The following CAB39 variants were observed in gnomAD, a reference collection of about 807,000 sequenced individuals.
CAB39 encodes calcium binding protein 39.
CAB39 carries 8 observed loss-of-function variants against 40.0 expected under a neutral mutation model. The observed-to-expected ratio is 0.20, with a 90% CI of 0.12 to 0.36. The LOEUF (loss-of-function observed/expected upper bound fraction) is 0.36. CAB39 is among the 10% of genes least tolerant of loss of function. CAB39 has a pLI of 1.00. For missense variants in CAB39, 270 were observed against 401.1 expected, an observed-to-expected ratio of 0.67 and a Z score of 2.79; for synonymous variants, 156 against 141.6, an observed-to-expected ratio of 1.10 and a Z score of -0.72.
intron 1 of CAB39, among the ~76,000 whole-genome samples, chr2:230,736,150 T>C (rs1461177845): frequency 6.6e-6 from 1 of 152,204 alleles, no homozygotes; most frequent in African/African-American, 2.4e-5. Context: ...ATTTTCTCTG[T>C]TTGACTTAAT....
At chr2:230,754,506 C>T (rs1485454031) in intron 1 of CAB39, among the ~76,000 whole-genome samples, 3 of 150,204 alleles carry the variant, frequency 2.0e-5, no homozygotes, top group African/African-American at 7.4e-5. Flanking sequence ...TCCTCCTCCT[C>T]ATCCCTCCTT....
chr2:230,714,172 G>C (rs890164171), intron 1 of CAB39: 1 of 152,204 alleles, frequency 6.6e-6, no homozygotes, highest in Non-Finnish European at 1.5e-5. Flanking sequence ...GTATTTTGGG[G>C]CCAGATCCTT....
intron 2 of CAB39, among the ~76,000 whole-genome samples, chr2:230,771,838 G>A (rs1458669768): frequency 1.3e-5 from 2 of 152,198 alleles, no homozygotes; most frequent in Non-Finnish European, 2.9e-5. Flanking sequence ...AAATGCAGTT[G>A]TGCAGAAAGA....
At chr2:230,782,977 T>C (rs916703897) in intron 2 of CAB39, among the ~76,000 whole-genome samples, 2 of 147,790 alleles carry the variant, frequency 1.4e-5, no homozygotes, top group African/African-American at 5.3e-5. Flanking sequence ...CACGCCTGGC[T>C]AATTTTTTGT....
intron 7 of CAB39, among the ~76,000 whole-genome samples, 191 bp downstream of exon 7, chr2:230,814,305 A>G (rs1399990088): frequency 6.6e-6 from 1 of 152,120 alleles, no homozygotes; most frequent in Admixed American, 6.5e-5. Flanking sequence ...CCTGCTTCCT[A>G]GTAAGGTGGA....
At chr2:230,756,442 A>G (rs1380772652) in intron 1 of CAB39, among the ~76,000 whole-genome samples, 5 of 152,234 alleles carry the variant, frequency 3.3e-5, no homozygotes, top group Admixed American at 3.3e-4. Flanking sequence ...TCAGGCAGCT[A>G]CATGACTGTG....
intron 4 of CAB39, among the ~76,000 whole-genome samples, chr2:230,794,031 G>T (rs1272299619): frequency 6.6e-6 from 1 of 152,184 alleles, no homozygotes; most frequent in African/African-American, 2.4e-5. Context: ...AGAGTTGTGT[G>T]CCAGCCCCGG....
chr2:230,799,622 G>T (rs981154518), intron 5 of CAB39, among the ~76,000 whole-genome samples: 2 of 152,206 alleles, frequency 1.3e-5, no homozygotes, highest in East Asian at 3.8e-4. Context: ...TACAATGAGA[G>T]CAAGCGTTTG....
chr2:230,713,370 C>T (rs2459922), intron 1 of CAB39, 140 bp downstream of exon 1: 1,582 of 152,400 alleles, frequency 0.01, 24 homozygotes, highest in Admixed American at 0.017. Flanking sequence ...TCCCCGGAGC[C>T]CCCGGGAGCA....
intron 2 of CAB39, among the ~76,000 whole-genome samples, chr2:230,780,592 T>G (rs1695670060): frequency 6.6e-6 from 1 of 152,212 alleles, no homozygotes. Flanking sequence ...TCCCTTGATT[T>G]AGGTTTGCCT....
At position 230,750,119 on chromosome 2, in the gene CAB39, A is replaced by G. The variant is rs562902407; in HGVS notation, c.-43-9840A>G. ...AAAATAAATAATAGTTCATTCTACA[A>G]ATATTCTACAAATATGTGCCATCTA... On this transcript the variant is annotated intron_variant, in intron 1 of 8. Transcript: ENST00000258418. 1.2e-3 allele frequency among the ~76,000 whole-genome samples: 184 copies of G among 152,358 alleles called. 1 individual carries two copies. The highest frequency in any genetic ancestry group is 4.2e-3 in the African/African-American group (176 of 41,588).
At chr2:230,745,027 C>G (rs953711267) in intron 1 of CAB39, among the ~76,000 whole-genome samples, 1 of 152,162 alleles carries the variant, frequency 6.6e-6, no homozygotes, top group African/African-American at 2.4e-5. Context: ...TTCTCATTTA[C>G]TATAAAGAAA....
chr2:230,719,345 G>A (rs572613368), intron 1 of CAB39, among the ~76,000 whole-genome samples: 1 of 152,262 alleles, frequency 6.6e-6, no homozygotes, highest in Admixed American at 6.5e-5. Context: ...CAAAATATGT[G>A]CTCCCTGAAA....
At chr2:230,732,248 ATTT>A (rs1347818103) in intron 1 of CAB39, among the ~76,000 whole-genome samples, 1 of 151,994 alleles carries the variant, frequency 6.6e-6, no homozygotes, top group South Asian at 2.1e-4. Context: ...CGCGCGGCTA[ATTT>A]TTTGTATTTT....
At chr2:230,735,112 G>A (rs1694763416) in intron 1 of CAB39, among the ~76,000 whole-genome samples, 1 of 152,144 alleles carries the variant, frequency 6.6e-6, no homozygotes, top group African/African-American at 2.4e-5. Flanking sequence ...TCCTTAGAGA[G>A]TTTGGAGTAG....
chr2:230,792,333 A>C (rs1177713889), intron 3 of CAB39, among the ~76,000 whole-genome samples: 1 of 152,192 alleles, frequency 6.6e-6, no homozygotes, highest in African/African-American at 2.4e-5. Flanking sequence ...CAAAGACATC[A>C]ACTTAAAAGA....
intron 5 of CAB39, among the ~76,000 whole-genome samples, chr2:230,801,362 A>G (rs2124969541): frequency 6.6e-6 from 1 of 152,352 alleles, no homozygotes; most frequent in African/African-American, 2.4e-5. Flanking sequence ...GCTGACAAGG[A>G]GGGACACGTT....
chr2:230,765,347 A>T (rs900877686), intron 2 of CAB39, among the ~76,000 whole-genome samples: 1 of 152,106 alleles, frequency 6.6e-6, no homozygotes, highest in Non-Finnish European at 1.5e-5. Flanking sequence ...TTGGTTCATG[A>T]TGGTGTCAGC....
In CAB39 at chr2:230,820,226, T is replaced by C. The variant is rs563301956; in HGVS notation, c.*1522T>C. 5.7e-4 allele frequency: 87 copies of C among 152,570 alleles called. No homozygotes were observed. The highest frequency in any genetic ancestry group is 2.0e-3 in the African/African-American group (85 of 41,590). The allele number at this position is 152,570 out of a possible 1,614,324, so 9.5% of individuals were successfully genotyped here. A position where few individuals can be genotyped will look rare whatever the true frequency, so the allele number is the denominator to read the frequency against. On this transcript the variant is annotated 3_prime_UTR_variant, in exon 9 of 9. Transcript: ENST00000258418. ...AGTTCAAATTCAGCATGGCTGCAGC[T>C]GATTAAGAAATTGATATGATTATTC...
Sources: gnomAD v4.1 joint callset for allele counts (sites outside exome capture counted in the v4.1 genomes callset) on GRCh38, gnomAD v4.1.1 for gene constraint, MANE v1.5 for transcripts, NCBI Gene and HGNC (gene_info 2026-07-23, HGNC 2026-07-21) for gene names.